The following MCM3AP variants were observed in gnomAD, a reference collection of about 807,000 sequenced individuals.
MCM3AP encodes the protein minichromosome maintenance complex component 3 associated protein.
MCM3AP carries 126 observed loss-of-function variants against 184.1 expected under a neutral mutation model. That is an observed-to-expected ratio of 0.68 (90% CI 0.59 to 0.79). The LOEUF (loss-of-function observed/expected upper bound fraction) is 0.79, where lower values mean the gene tolerates loss of function less well. Ranked by LOEUF, MCM3AP falls within the 30% of genes least tolerant of loss-of-function variation. The pLI, the probability that MCM3AP is intolerant of heterozygous loss-of-function variation, is 0.00. For synonymous variants in MCM3AP, 1,002 were observed against 979.3 expected, an observed-to-expected ratio of 1.02 and a Z score of -0.43; for missense variants, 2,496 against 2,479.2, an observed-to-expected ratio of 1.01 and a Z score of -0.14.
chr21:46,282,935 CT>C (rs960816913), intron 2 of MCM3AP, among the ~76,000 whole-genome samples: 1 of 151,080 alleles, frequency 6.6e-6, no homozygotes, highest in Non-Finnish European at 1.5e-5. Flanking sequence ...TTTTCTTTTT[CT>C]TTTTTTTGAG....
At chr21:46,257,924 C>CAA (rs5844261) in intron 16 of MCM3AP, among the ~76,000 whole-genome samples, 2,514 of 96,890 alleles carry the variant, frequency 0.026, 70 homozygotes, top group East Asian at 0.11. Flanking sequence ...GACTCCATCT[C>CAA]AAAAAAAAAA....
intron 17 of MCM3AP, 150 bp downstream of exon 17, chr21:46,256,639 C>T: frequency 2.1e-6 from 2 of 946,158 alleles, no homozygotes; most frequent in Admixed American, 5.7e-5. Flanking sequence ...AAATGCAACC[C>T]TGTGCCTGTC....
Position 46,244,816 on chromosome 21 carries a change from G to T in MCM3AP, c.5029C>A (p.Pro1677Thr), listed in dbSNP as rs1212381446. ...GFQLPQMDLPPLGAPWLPVCS... is the reference protein window; with the variant it reads ...GFQLPQMDLPTLGAPWLPVCS... ...CAGGTCAAGCACGTACCCCCCAGGG[G>T]TGGAAGGTCCATCTGCGGAAGCTGG... The change falls in exon 23 of 28, where the codon CCC becomes ACC. Residue 1677 changes from proline (P) to threonine (T), a missense_variant. Pro to Thr is a conservative substitution (Grantham distance 38). Around this residue, in one of 5 missense-constraint regions of MCM3AP, gnomAD observed 1,323 missense variants for 1,273.4 expected, o/e 1.04. Transcript: ENST00000291688. 4 of 1,612,636 alleles carry T rather than the reference G, an allele frequency of 2.5e-6. No individual in the cohort carries two copies. Among genetic ancestry groups the T allele is most frequent in the Non-Finnish European group, 3.4e-6 (4 of 1,179,124 alleles).
intron 20 of MCM3AP, among the ~76,000 whole-genome samples, chr21:46,248,987 A>G (rs1031865077): frequency 6.6e-6 from 1 of 152,166 alleles, no homozygotes; most frequent in Admixed American, 6.5e-5. Flanking sequence ...CAGAAGTGAA[A>G]TAGGAGTCTC....
At chr21:46,271,929 G>A (rs1015613946) in intron 8 of MCM3AP, among the ~76,000 whole-genome samples, 7 of 151,506 alleles carry the variant, frequency 4.6e-5, no homozygotes, top group Non-Finnish European at 1.0e-4. Context: ...AGTTCTTGAG[G>A]AAAATACAAA....
In MCM3AP at chr21:46,265,448, G is replaced by A; in HGVS notation, c.3107C>T (p.Pro1036Leu). The A allele has an allele frequency of 6.2e-7, 1 of 1,614,022 alleles. No homozygotes were observed. Among genetic ancestry groups the A allele is most frequent in the South Asian group, 1.1e-5 (1 of 91,072 alleles). Residue 1036 changes from proline (P) to leucine (L), a missense_variant, in exon 12 of 28, where the codon CCT becomes CTT. Pro to Leu is a moderately conservative substitution (Grantham distance 98). Transcript: ENST00000291688. ...LSSLPQSLPA[P>L]APSPVPLPPV... ...AGGCAGAGGCACTGGTGAGGGCGCA[G>A]GGGCTGGTAGAGACTGTGGGAGACT...
At chr21:46,273,060 C>A (rs768617864) in intron 7 of MCM3AP, among the ~76,000 whole-genome samples, 1 of 152,016 alleles carries the variant, frequency 6.6e-6, no homozygotes, top group African/African-American at 2.4e-5. Flanking sequence ...TCACCACAAC[C>A]TCCGCCTCCC....
chr21:46,261,732 C>CAAAAA (rs58763611), intron 13 of MCM3AP, among the ~76,000 whole-genome samples: 1 of 110,974 alleles, frequency 9.0e-6, no homozygotes, highest in African/African-American at 3.4e-5. Flanking sequence ...GACTCTGTCT[C>CAAAAA]AAAAAAAAAA....
Position 46,240,945 on chromosome 21 carries a change from C to T in MCM3AP, c.5499G>A (p.Trp1833Ter). The T allele has an allele frequency of 6.2e-7, 1 of 1,614,150 alleles. No homozygotes were observed. The highest frequency in any genetic ancestry group is 8.5e-7 in the Non-Finnish European group (1 of 1,179,998). The change falls in exon 26 of 28, where the codon TGG (tryptophan) becomes TGA (stop). Residue 1833 changes from tryptophan (W) to a stop codon, truncating the protein, a stop_gained. Coordinates refer to ENST00000291688, the MANE Select transcript of MCM3AP (RefSeq NM_003906.5). LOFTEE classifies it high-confidence loss of function. The part of the protein sequence containing the change: ...PIPLLHMHRN[W>*]KRSTECAQEG... ...CTTGAGCACACTCTGTGCTCCTCTT[C>T]CAGTTACGGTGCATGTGAAGCAATG...
rs771078560 is a variant in MCM3AP at position 46,284,899 on chromosome 21, C to T, written c.388G>A (p.Glu130Lys). 7 of 1,614,210 alleles carry T rather than the reference C, an allele frequency of 4.3e-6. No homozygotes were observed. In the East Asian group the frequency reaches 1.3e-4, roughly 31 times the overall value. Residue 130 changes from glutamate to lysine, a missense_variant, in exon 1 of 28, where the codon GAA (glutamate) becomes AAA (lysine). This residue lies in a region of MCM3AP where 800 missense variants were observed against 717.1 expected (regional missense o/e 1.12). Transcript: ENST00000291688. ...CCAGAGTTCACTATTTCTCCAGCTTCTTGTCCAAAAGCAGAAGTGCTTGGG... is the reference window on the plus strand; with the variant it reads ...CCAGAGTTCACTATTTCTCCAGCTTTTTGTCCAAAAGCAGAAGTGCTTGGG... ...AFPSTSAFGQ[E>K]AGEIVNSGFG...
intron 13 of MCM3AP, among the ~76,000 whole-genome samples, chr21:46,261,618 A>G (rs1272166090): frequency 1.3e-5 from 2 of 151,956 alleles, no homozygotes; most frequent in Non-Finnish European, 2.9e-5. Context: ...CTGTAGCCCC[A>G]GCTACTCAGG....
intron 15 of MCM3AP, among the ~76,000 whole-genome samples, chr21:46,260,033 G>A (rs1004930330): frequency 7.3e-5 from 11 of 151,458 alleles, no homozygotes; most frequent in African/African-American, 1.9e-4. Context: ...CCCAGATCAC[G>A]CCACTGCACT....
chr21:46,243,581 G>C lies in MCM3AP; in HGVS notation c.5180C>G (p.Ser1727Cys). The change falls in exon 24 of 28, where the codon TCC becomes TGC. Residue 1727 changes from serine (S) to cysteine (C), a missense_variant. By Grantham distance (112) the Ser-to-Cys change is moderately radical. Coordinates refer to ENST00000291688, the MANE Select transcript of MCM3AP (RefSeq NM_003906.5). Reference sequence around the variant, plus strand: ...CGAGGGGCCTGCCCCATGGACTGGGGAGGGACTCTTGCTCTTCCACCTACA... The same window carrying C: ...CGAGGGGCCTGCCCCATGGACTGGGCAGGGACTCTTGCTCTTCCACCTACA... ...TYCRWKSKSP[S>C]PVHGAGPSVM... 1 of 1,614,232 alleles carries C rather than the reference G, an allele frequency of 6.2e-7. No homozygotes were observed. The highest frequency in any genetic ancestry group is 1.7e-5 in the Admixed American group (1 of 60,030).
intron 17 of MCM3AP, 39 bp from the exon 18 acceptor site, chr21:46,254,883 C>T (rs374217661): frequency 1.1e-5 from 17 of 1,520,908 alleles, no homozygotes; most frequent in Non-Finnish European, 1.6e-5. Context: ...CCCGCAGGAG[C>T]TTAGTGAGAA....
At chr21:46,243,291 TC>T in intron 24 of MCM3AP, 173 bp downstream of exon 24, 2 of 835,078 alleles carry the variant, frequency 2.4e-6, no homozygotes, top group Middle Eastern at 3.7e-4. Flanking sequence ...ACCAGAAACT[TC>T]CTAGCCTGTC....
intron 5 of MCM3AP, among the ~76,000 whole-genome samples, chr21:46,277,038 A>C (rs747357346): frequency 1.8e-4 from 28 of 152,330 alleles, no homozygotes; most frequent in Non-Finnish European, 3.2e-4. Flanking sequence ...GGTGTGAGCC[A>C]CCATGCCCAG....
chr21:46,278,847 G>A, intron 4 of MCM3AP, among the ~76,000 whole-genome samples: 1 of 151,940 alleles, frequency 6.6e-6, no homozygotes, highest in Non-Finnish European at 1.5e-5. Context: ...CTAATTTTTT[G>A]TATTTTTAGT....
chr21:46,278,459 T>C (rs1305501996), intron 4 of MCM3AP, among the ~76,000 whole-genome samples: 1 of 152,146 alleles, frequency 6.6e-6, no homozygotes. Flanking sequence ...GAAAATACAT[T>C]GGCCAAAAGA....
rs774797284 is a variant in MCM3AP at position 46,266,176 on chromosome 21, C to A, written c.2790-10G>T. ...GTTCAGCTCCACACAGCTACCCAGACCACAAAAGACCCCCGAGGGGTGTCA... is the reference window on the plus strand; with the variant it reads ...GTTCAGCTCCACACAGCTACCCAGAACACAAAAGACCCCCGAGGGGTGTCA... On this transcript the variant is annotated splice_polypyrimidine_tract_variant and intron_variant, in intron 10 of 27. Transcript: ENST00000291688. The A allele has an allele frequency of 9.4e-6, 15 of 1,591,342 alleles. No individual in the cohort carries two copies. In the East Asian group the frequency reaches 2.7e-4, roughly 29 times the overall value.
Sources: allele counts gnomAD v4.1 joint callset (sites outside exome capture counted in the v4.1 genomes callset), GRCh38; gene constraint gnomAD v4.1.1; regional missense constraint gnomAD v4.1.1; transcripts MANE v1.5; gene names NCBI Gene and HGNC (gene_info 2026-07-23, HGNC 2026-07-21).